MYO3B: variants seen among roughly 807,000 people sequenced by gnomAD.
MYO3B encodes myosin IIIB.
In MYO3B, 156 loss-of-function variants were observed where a neutral mutation model predicts 174.6. The observed-to-expected ratio is 0.89, with a 90% CI of 0.78 to 1.02. The LOEUF is 1.02. MYO3B is among the 50% of genes least tolerant of loss of function. The pLI is 0.00. For synonymous variants in MYO3B, 563 were observed against 569.1 expected (o/e 0.99, Z 0.15); for missense variants, 1,632 against 1,639.4 (o/e 1.00, Z 0.08).
rs1265389958 is a variant in MYO3B at position 170,369,224 on chromosome 2, G to A, written c.818G>A (p.Cys273Tyr). Residue 273 changes from cysteine to tyrosine, a missense_variant and splice_region_variant, in exon 9 of 35, where the codon TGT (cysteine) becomes TAT (tyrosine). Transcript: ENST00000408978. ...CEEFNHFISQ[C>Y]LIKDFERRPS... ...TGTTTGTTGGTTTTTGCAAACAGGTGTCTTATTAAGGATTTTGAAAGGCGA... is the reference window on the plus strand; with the variant it reads ...TGTTTGTTGGTTTTTGCAAACAGGTATCTTATTAAGGATTTTGAAAGGCGA... 1.9e-6 allele frequency: 3 copies of A among 1,612,006 alleles called. No individual in the cohort carries two copies. Among genetic ancestry groups the A allele is most frequent in the Non-Finnish European group, 2.5e-6 (3 of 1,178,666 alleles).
At chr2:170,402,356 A>G (rs1442613041) in intron 18 of MYO3B, among the ~76,000 whole-genome samples, 3 of 152,214 alleles carry the variant, frequency 2.0e-5, no homozygotes, top group Non-Finnish European at 4.4e-5. Flanking sequence ...AGAATCAAAG[A>G]GACATTTTAT....
At chr2:170,182,472 G>T (rs755926532) in intron 1 of MYO3B, among the ~76,000 whole-genome samples, 1 of 151,974 alleles carries the variant, frequency 6.6e-6, no homozygotes, top group Non-Finnish European at 1.5e-5. Context: ...CTAGTCTAAC[G>T]ATCTGACTAC....
At chr2:170,609,045 G>A (rs1261165584) in intron 32 of MYO3B, among the ~76,000 whole-genome samples, 2 of 152,172 alleles carry the variant, frequency 1.3e-5, no homozygotes, top group Admixed American at 1.3e-4. Flanking sequence ...CTTGAGATGG[G>A]ATGATGAGTT....
At chr2:170,629,570 C>G (rs2105373819) in intron 32 of MYO3B, among the ~76,000 whole-genome samples, 1 of 152,292 alleles carries the variant, frequency 6.6e-6, no homozygotes, top group Non-Finnish European at 1.5e-5. Context: ...ACACAACGGG[C>G]TGGGTGCGGT....
chr2:170,320,100 A>G (rs1430990742), intron 7 of MYO3B, among the ~76,000 whole-genome samples: 1 of 152,210 alleles, frequency 6.6e-6, no homozygotes, highest in East Asian at 1.9e-4. Context: ...AACGGCATAG[A>G]TGTGGGTTAA....
At chr2:170,611,999 C>A (rs1230410180) in intron 32 of MYO3B, among the ~76,000 whole-genome samples, 1 of 152,140 alleles carries the variant, frequency 6.6e-6, no homozygotes, top group African/African-American at 2.4e-5. Flanking sequence ...GATCTCCAGG[C>A]CAGTTCTCAG....
At chr2:170,447,769 T>C (rs1683315053) in intron 23 of MYO3B, among the ~76,000 whole-genome samples, 1 of 152,120 alleles carries the variant, frequency 6.6e-6, no homozygotes, top group African/African-American at 2.4e-5. Flanking sequence ...CTCAAATCAG[T>C]CTCCTCGAGT....
At chr2:170,209,735 C>T (rs12476819) in intron 3 of MYO3B, among the ~76,000 whole-genome samples, 82,144 of 152,048 alleles carry the variant, frequency 0.54, 22,230 homozygotes, top group Admixed American at 0.61. Flanking sequence ...TCAAAGAAGT[C>T]TGGTTTACAA....
intron 30 of MYO3B, among the ~76,000 whole-genome samples, chr2:170,521,196 A>G (rs1304415242): frequency 2.0e-5 from 3 of 152,160 alleles, no homozygotes; most frequent in East Asian, 3.8e-4. Context: ...AGTGGTCTCA[A>G]ATTGTCATTG....
chr2:170,375,735 A>ACACC (rs1270112849), intron 9 of MYO3B, among the ~76,000 whole-genome samples: 3 of 151,392 alleles, frequency 2.0e-5, no homozygotes, highest in African/African-American at 7.3e-5. Flanking sequence ...ACACACACAC[A>ACACC]CACACACACA....
intron 7 of MYO3B, among the ~76,000 whole-genome samples, chr2:170,267,289 A>G (rs1175084892): frequency 6.6e-6 from 1 of 152,222 alleles, no homozygotes; most frequent in African/African-American, 2.4e-5. Context: ...GGGTTGGCAG[A>G]CACAGGTAGA....
chr2:170,266,393 G>A (rs763673415), intron 7 of MYO3B, among the ~76,000 whole-genome samples: 1 of 152,124 alleles, frequency 6.6e-6, no homozygotes, highest in Non-Finnish European at 1.5e-5. Flanking sequence ...CTAGGTAACT[G>A]ATCAAGGTAG....
At chr2:170,247,162 C>T (rs935540083) in intron 7 of MYO3B, among the ~76,000 whole-genome samples, 1 of 152,172 alleles carries the variant, frequency 6.6e-6, no homozygotes, top group Admixed American at 6.5e-5. Flanking sequence ...TTCCCAGACT[C>T]AGTACTTCCA....
chr2:170,652,296 C>G (rs1035860020), intron 34 of MYO3B, 142 bp downstream of exon 34: 6 of 715,124 alleles, frequency 8.4e-6, no homozygotes, highest in African/African-American at 3.6e-5. Flanking sequence ...TTGGAAATTA[C>G]TTTTCACAGT....
At chr2:170,629,787 T>C (rs559390834) in intron 32 of MYO3B, among the ~76,000 whole-genome samples, 10 of 152,176 alleles carry the variant, frequency 6.6e-5, no homozygotes, top group Non-Finnish European at 1.0e-4. Flanking sequence ...GAGGCAGACA[T>C]TGCAGTTAGC....
intron 6 of MYO3B, among the ~76,000 whole-genome samples, chr2:170,234,566 G>A (rs551716388): frequency 6.6e-6 from 1 of 152,296 alleles, no homozygotes; most frequent in Admixed American, 6.5e-5. Context: ...GTTATCTTAC[G>A]ATTCTCTAGA....
At chr2:170,216,164 T>A (rs1196660652) in intron 5 of MYO3B, among the ~76,000 whole-genome samples, 1 of 152,122 alleles carries the variant, frequency 6.6e-6, no homozygotes, top group East Asian at 1.9e-4. Context: ...TTGGCAAATC[T>A]ATGCTCATGT....
intron 23 of MYO3B, among the ~76,000 whole-genome samples, chr2:170,463,148 C>T (rs13023539): frequency 0.33 from 50,626 of 152,132 alleles, 8,861 homozygotes; most frequent in South Asian, 0.43. Context: ...ACTGAAACCA[C>T]ATGGTATTTT....
intron 32 of MYO3B, among the ~76,000 whole-genome samples, chr2:170,607,442 G>C (rs896625754): frequency 6.6e-6 from 1 of 152,184 alleles, no homozygotes; most frequent in Non-Finnish European, 1.5e-5. Flanking sequence ...ATCATCCTGG[G>C]GGTTATGGCA....
Sources: gnomAD v4.1 joint callset for allele counts (sites outside exome capture counted in the v4.1 genomes callset) on GRCh38, gnomAD v4.1.1 for gene constraint, MANE v1.5 for transcripts, NCBI Gene and HGNC (gene_info 2026-07-23, HGNC 2026-07-21) for gene names.